Variants in RSF1 observed in about 807,000 individuals in gnomAD.
The protein encoded by RSF1 is remodeling and spacing factor 1, also known as HBV pX-associated protein 8.
A neutral mutation model predicts 145.2 loss-of-function variants in RSF1; 13 were observed. That is an observed-to-expected ratio of 0.09 (90% CI 0.06 to 0.14). The LOEUF (loss-of-function observed/expected upper bound fraction) is 0.14. RSF1 is among the 10% of genes least tolerant of loss of function. RSF1 has a pLI of 1.00. For synonymous variants in RSF1, 577 were observed against 592.6 expected, an observed-to-expected ratio of 0.97 and a Z score of 0.38; for missense variants, 1,517 against 1,718.2, an observed-to-expected ratio of 0.88 and a Z score of 2.07.
At chr11:77,736,272 T>C (rs368620796) in intron 4 of RSF1, among the ~76,000 whole-genome samples, 3 of 152,260 alleles carry the variant, frequency 2.0e-5, no homozygotes, top group East Asian at 3.8e-4. Flanking sequence ...TGAGATATTC[T>C]TCTACAAATC....
At chr11:77,789,411 T>G (rs1295663314) in intron 1 of RSF1, among the ~76,000 whole-genome samples, 1 of 152,164 alleles carries the variant, frequency 6.6e-6, no homozygotes, top group Non-Finnish European at 1.5e-5. Flanking sequence ...TGGGGCCCAG[T>G]GCCACCAGGG....
the RSF1 span, among the ~76,000 whole-genome samples, chr11:77,838,630 T>C: frequency 6.6e-6 from 1 of 151,498 alleles, no homozygotes; most frequent in African/African-American, 2.4e-5. Flanking sequence ...TTTTTTTTTT[T>C]TTTTGAGACA....
Position 77,720,753 on chromosome 11 carries a change from A to G in RSF1, c.733+4792T>C, listed in dbSNP as rs906142379. Among the ~76,000 whole-genome samples, 7 of 152,328 alleles carry G rather than the reference A, an allele frequency of 4.6e-5. 1 individual carries two copies. Among genetic ancestry groups the G allele is most frequent in the Admixed American group, 4.6e-4 (7 of 15,300 alleles). On this transcript the variant is annotated intron_variant, in intron 5 of 15. Coordinates refer to ENST00000308488, the MANE Select transcript of RSF1 (RefSeq NM_016578.4). ...GCAGACACAGAAGGGAATGCCCAAG[A>G]CATATGGAGAAAACAAAAGCATCTA... is the stretch of plus-strand genomic sequence containing the variant.
upstream of RSF1, among the ~76,000 whole-genome samples, chr11:77,823,075 G>C (rs977727443): frequency 6.6e-6 from 1 of 151,934 alleles, no homozygotes; most frequent in Non-Finnish European, 1.5e-5. Context: ...TTAGCCGGGC[G>C]TGGTGGCGGC....
the RSF1 span, chr11:77,850,633 C>T: frequency 1.3e-5 from 2 of 152,110 alleles, no homozygotes; most frequent in African/African-American, 4.8e-5. Flanking sequence ...TTTACCCCAA[C>T]TTTTTATTTT....
intron 1 of RSF1, among the ~76,000 whole-genome samples, chr11:77,817,236 C>G (rs1317603261): frequency 6.6e-6 from 1 of 152,158 alleles, no homozygotes; most frequent in African/African-American, 2.4e-5. Context: ...TAAATTTCAA[C>G]AAATAATGTT....
intron 1 of RSF1, among the ~76,000 whole-genome samples, chr11:77,816,196 T>C (rs1294114560): frequency 2.6e-5 from 4 of 152,240 alleles, no homozygotes; most frequent in Admixed American, 2.6e-4. Context: ...GCAATACTAC[T>C]ATTAATGTAT....
intron 1 of RSF1, among the ~76,000 whole-genome samples, chr11:77,785,925 C>CA (rs10661397): frequency 0.26 from 9,650 of 37,058 alleles, 3,589 homozygotes; most frequent in Middle Eastern, 0.4. Context: ...GATTCTGTCT[C>CA]AAAAAAAAAA....
intron 1 of RSF1, among the ~76,000 whole-genome samples, chr11:77,771,705 G>A (rs902847386): frequency 1.3e-5 from 2 of 152,056 alleles, no homozygotes; most frequent in African/African-American, 2.4e-5. Context: ...GCTGAGTGAC[G>A]GGCACATGAA....
chr11:77,768,298 G>C (rs905126923), intron 1 of RSF1, among the ~76,000 whole-genome samples: 4 of 151,688 alleles, frequency 2.6e-5, no homozygotes, highest in African/African-American at 9.7e-5. Flanking sequence ...CAGTAGCTGG[G>C]ATTACAGGCG....
intron 2 of RSF1, among the ~76,000 whole-genome samples, chr11:77,750,504 T>C (rs1362439802): frequency 2.6e-5 from 4 of 152,256 alleles, no homozygotes; most frequent in Non-Finnish European, 5.9e-5. Flanking sequence ...CATCTAAATA[T>C]GTAAAAACCA....
intron 2 of RSF1, among the ~76,000 whole-genome samples, chr11:77,759,421 C>T (rs915614155): frequency 3.5e-4 from 54 of 152,220 alleles, no homozygotes; most frequent in African/African-American, 1.2e-3. Flanking sequence ...GCGGCTCACA[C>T]CTGTAATCCC....
At position 77,701,944 on chromosome 11, in the gene RSF1, A is replaced by C. The variant is rs566094057; in HGVS notation, c.1285T>G (p.Ser429Ala). 1.9e-6 allele frequency: 3 copies of C among 1,613,582 alleles called. No homozygotes were observed. Among genetic ancestry groups the C allele is most frequent in the African/African-American group, 2.7e-5 (2 of 74,988 alleles). Residue 429 changes from serine (S) to alanine (A), a missense_variant, in exon 6 of 16, where the codon TCT (serine) becomes GCT (alanine). Ser to Ala is a moderately conservative substitution (Grantham distance 99, BLOSUM62 1). Coordinates refer to ENST00000308488, the MANE Select transcript of RSF1 (RefSeq NM_016578.4). ...TCATGACCCAAAGCAGTGATTGTAG[A>C]GATCCTTTTACAAGTCTCTTCCTCT... ...KQEEETCKRI[S>A]TITALGHEGK...
intron 2 of RSF1, among the ~76,000 whole-genome samples, chr11:77,747,908 T>G (rs976595622): frequency 1.3e-5 from 2 of 152,038 alleles, no homozygotes; most frequent in Non-Finnish European, 2.9e-5. Context: ...GGCCAAAGAG[T>G]AGGCAAAAAA....
chr11:77,683,876 T>C lies in RSF1; in HGVS notation c.2956-57A>G, dbSNP rs552337488. 12 of 1,344,736 alleles carry C rather than the reference T, an allele frequency of 8.9e-6. No individual in the cohort carries two copies. The East Asian group carries it at 2.6e-4, about 29-fold the overall frequency. 83.3% of individuals were successfully genotyped at this position (1,344,736 alleles called of 1,614,324 possible). On this transcript the variant is annotated intron_variant, in intron 10 of 15. Transcript: ENST00000308488. Reference sequence around the variant, plus strand: ...ATTCCTTATGCAGAACAAAGTTCCTTGGGATAAACAGTTTTGTAATCTCCA... The same window carrying C: ...ATTCCTTATGCAGAACAAAGTTCCTCGGGATAAACAGTTTTGTAATCTCCA...
At chr11:77,691,048 C>T in intron 9 of RSF1, 111 bp downstream of exon 9, 1 of 978,930 alleles carries the variant, frequency 1.0e-6, no homozygotes, top group Non-Finnish European at 1.5e-6. Context: ...GGATTTGGCC[C>T]ACAGGCCACA....
chr11:77,769,036 T>A (rs1948255336), intron 1 of RSF1, among the ~76,000 whole-genome samples: 1 of 152,182 alleles, frequency 6.6e-6, no homozygotes, highest in Non-Finnish European at 1.5e-5. Context: ...TGCTATGGCT[T>A]TGGACAGCTG....
the RSF1 span, among the ~76,000 whole-genome samples, chr11:77,859,304 G>T: frequency 2.0e-5 from 3 of 152,120 alleles, no homozygotes; most frequent in Non-Finnish European, 4.4e-5. Context: ...TATCTGCTTG[G>T]TAGTTCCCTT....
At chr11:77,814,890 G>T (rs637605) in intron 1 of RSF1, among the ~76,000 whole-genome samples, 14,757 of 151,832 alleles carry the variant, frequency 0.097, 985 homozygotes, top group Non-Finnish European at 0.15. Context: ...CCAAAATATG[G>T]TTTTTTTTTA....
Sources: gnomAD v4.1 joint callset for allele counts (sites outside exome capture counted in the v4.1 genomes callset) on GRCh38, gnomAD v4.1.1 for gene constraint, MANE v1.5 for transcripts, NCBI Gene and HGNC (gene_info 2026-07-23, HGNC 2026-07-21) for gene names.